Variants in GTF2A1 observed in about 807,000 individuals in gnomAD.
GTF2A1 encodes the protein transcription initiation factor IIA subunit 1.
In GTF2A1, 12 loss-of-function variants were observed where a neutral mutation model predicts 54.1. That is an observed-to-expected ratio of 0.22 (90% CI 0.14 to 0.36). GTF2A1 has a LOEUF of 0.36. Among genes scored for constraint, GTF2A1 ranks in the 10% least tolerant of loss-of-function variants. GTF2A1 has a pLI of 1.00. For synonymous variants in GTF2A1, 145 were observed against 152.0 expected (o/e 0.95, Z 0.34); for missense variants, 335 against 442.2 (o/e 0.76, Z 2.17).
chr14:81,198,373 G>A (rs1395888039), intron 4 of GTF2A1, among the ~76,000 whole-genome samples: 1 of 152,200 alleles, frequency 6.6e-6, no homozygotes, highest in Non-Finnish European at 1.5e-5. Context: ...TGAACCTGAA[G>A]GTGGAGGTTG....
In GTF2A1 at chr14:81,176,798, G is replaced by A. The variant is rs1441991211; in HGVS notation, c.*3425C>T. 2 of 151,840 alleles carry A rather than the reference G, an allele frequency of 1.3e-5. No homozygotes were observed. The highest frequency in any genetic ancestry group is 3.9e-4 in the East Asian group (2 of 5,172). 9.4% of individuals were successfully genotyped at this position (151,840 alleles called of 1,614,324 possible). A position where few individuals can be genotyped will look rare whatever the true frequency, so the allele number is the denominator to read the frequency against. Reference sequence around the variant, plus strand: ...AAATAAAATGAAAATGTACAAAGATGGATCAACAAACTATTACATTGCACA... The same window carrying A: ...AAATAAAATGAAAATGTACAAAGATAGATCAACAAACTATTACATTGCACA... On this transcript the variant is annotated 3_prime_UTR_variant, in exon 9 of 9. Coordinates refer to ENST00000553612, the MANE Select transcript of GTF2A1 (RefSeq NM_015859.4).
intron 6 of GTF2A1, 25 bp downstream of exon 6, chr14:81,196,083 T>C: frequency 6.2e-7 from 1 of 1,606,286 alleles, no homozygotes; most frequent in Non-Finnish European, 8.5e-7. Context: ...AACCCCATAC[T>C]GATCATAATA....
chr14:81,200,699 A>C (rs958021171), intron 4 of GTF2A1, among the ~76,000 whole-genome samples: 5 of 152,062 alleles, frequency 3.3e-5, no homozygotes, highest in Admixed American at 3.3e-4. Flanking sequence ...ACATAGGTTA[A>C]AAGATCTTTT....
intron 8 of GTF2A1, among the ~76,000 whole-genome samples, chr14:81,182,652 T>C (rs1892664057): frequency 6.6e-6 from 1 of 152,212 alleles, no homozygotes; most frequent in South Asian, 2.1e-4. Flanking sequence ...TTCCTCCTCA[T>C]ATTATGCTCT....
chr14:81,206,073 A>G (rs941273390), intron 2 of GTF2A1, among the ~76,000 whole-genome samples: 4 of 152,226 alleles, frequency 2.6e-5, no homozygotes, highest in Non-Finnish European at 5.9e-5. Context: ...TTTTGAAATC[A>G]TAATTTTCTA....
intron 1 of GTF2A1, among the ~76,000 whole-genome samples, chr14:81,216,793 T>C (rs1893497952): frequency 1.3e-5 from 2 of 152,228 alleles, no homozygotes; most frequent in African/African-American, 2.4e-5. Flanking sequence ...AAATACCTAA[T>C]GTAATGTTCA....
At chr14:81,220,198 G>C (rs1337954031) in intron 1 of GTF2A1, among the ~76,000 whole-genome samples, 1 of 146,956 alleles carries the variant, frequency 6.8e-6, no homozygotes. Flanking sequence ...TGGGGCCGGG[G>C]CTGCGCGCCC....
intron 2 of GTF2A1, chr14:81,204,358 T>G: frequency 1.7e-6 from 1 of 587,696 alleles, no homozygotes; most frequent in Non-Finnish European, 3.1e-6. Flanking sequence ...GAACTTTCTA[T>G]AGTAATTCCT....
At position 81,207,824 on chromosome 14, in the gene GTF2A1, G is replaced by A. The variant is rs368326029; in HGVS notation, c.133-3720C>T. On this transcript the variant is annotated intron_variant, in intron 2 of 8. Coordinates refer to ENST00000553612, the MANE Select transcript of GTF2A1 (RefSeq NM_015859.4). ...GCAAAGAGACTGGCGGCATTTTGCC[G>A]CTGCCCGAGAGATTTGTGGAACTTT... is the stretch of plus-strand genomic sequence containing the variant. 3.9e-4 allele frequency among the ~76,000 whole-genome samples: 59 copies of A among 152,346 alleles called. No individual in the cohort carries two copies. In the South Asian group the frequency reaches 0.011, roughly 29 times the overall value.
chr14:81,187,649 T>C (rs1892779436), intron 7 of GTF2A1, among the ~76,000 whole-genome samples: 1 of 152,226 alleles, frequency 6.6e-6, no homozygotes, highest in African/African-American at 2.4e-5. Context: ...TCACATAGCA[T>C]GTTTTCAAGG....
At chr14:81,186,548 C>G (rs1202581403) in intron 7 of GTF2A1, among the ~76,000 whole-genome samples, 1 of 152,018 alleles carries the variant, frequency 6.6e-6, no homozygotes, top group East Asian at 1.9e-4. Flanking sequence ...AATAAACAAC[C>G]ATGTTAAATT....
In GTF2A1 at chr14:81,201,608, T is replaced by C; in HGVS notation, c.388A>G (p.Asn130Asp). 1 of 1,600,702 alleles carries C rather than the reference T, an allele frequency of 6.2e-7. No individual in the cohort carries two copies. The highest frequency in any genetic ancestry group is 8.6e-7 in the Non-Finnish European group (1 of 1,167,732). ...VPDSKLIQHM[N>D]ASNMSAAATA... Reference sequence around the variant, plus strand: ...CTGAGTCTTACCATGTTTGATGCATTCATATGCTGTATCAACTTAGAATCT... The same window carrying C: ...CTGAGTCTTACCATGTTTGATGCATCCATATGCTGTATCAACTTAGAATCT... The change falls in exon 4 of 9, where the codon AAT (asparagine) becomes GAT (aspartate). Residue 130 changes from asparagine to aspartate, a missense_variant. Around this residue, in one of 2 missense-constraint regions of GTF2A1, gnomAD observed 306 missense variants for 360.4 expected, o/e 0.85. Coordinates refer to ENST00000553612, the MANE Select transcript of GTF2A1 (RefSeq NM_015859.4).
At chr14:81,189,734 C>G (rs1892832714) in intron 7 of GTF2A1, among the ~76,000 whole-genome samples, 1 of 151,958 alleles carries the variant, frequency 6.6e-6, no homozygotes, top group Admixed American at 6.6e-5. Context: ...CTGAGCAAAC[C>G]TACTGACAAT....
chr14:81,201,686 C>A, intron 3 of GTF2A1, 28 bp from the exon 4 acceptor site: 1 of 1,523,660 alleles, frequency 6.6e-7, no homozygotes, highest in Non-Finnish European at 9.1e-7. Context: ...AACATGCAAA[C>A]AAGGAACCAT....
At chr14:81,184,990 G>T (rs760956895) in intron 8 of GTF2A1, among the ~76,000 whole-genome samples, 2 of 152,092 alleles carry the variant, frequency 1.3e-5, no homozygotes, top group Non-Finnish European at 2.9e-5. Context: ...GGAATCAATG[G>T]CTAGTTTTCA....
At chr14:81,196,872 T>G (rs1893003837) in intron 5 of GTF2A1, among the ~76,000 whole-genome samples, 1 of 152,074 alleles carries the variant, frequency 6.6e-6, no homozygotes, top group Non-Finnish European at 1.5e-5. Flanking sequence ...TTAACAAAAA[T>G]AACATACACA....
Position 81,189,662 on chromosome 14 carries a change from C to T in GTF2A1, c.933+2857G>A, listed in dbSNP as rs545907386. On this transcript the variant is annotated intron_variant, in intron 7 of 8. Coordinates refer to ENST00000553612, the MANE Select transcript of GTF2A1 (RefSeq NM_015859.4). ...CTCCAGCTTGGGTGACAGAGCGAGA[C>T]TCCATCTCAAAAAAAAAATGGATCA... 3.7e-4 allele frequency among the ~76,000 whole-genome samples: 56 copies of T among 151,944 alleles called. 1 individual carries two copies. Among genetic ancestry groups the T allele is most frequent in the Non-Finnish European group, 5.4e-4 (37 of 67,934 alleles).
chr14:81,178,053 G>A lies in GTF2A1; in HGVS notation c.*2170C>T, dbSNP rs1249417290. On this transcript the variant is annotated 3_prime_UTR_variant, in exon 9 of 9. Transcript: ENST00000553612. ...TAACAAAATAACCACTCTGAAAGCA[G>A]TGGTTGTTAATATTTGAAAAATAAA... 6.6e-6 allele frequency: 1 copy of A among 152,094 alleles called. No individual in the cohort carries two copies. Among genetic ancestry groups the A allele is most frequent in the Non-Finnish European group, 1.5e-5 (1 of 67,972 alleles). 9.4% of individuals were successfully genotyped at this position (152,094 alleles called of 1,614,324 possible).
At chr14:81,198,008 A>G (rs1219456449) in intron 4 of GTF2A1, among the ~76,000 whole-genome samples, 1 of 152,224 alleles carries the variant, frequency 6.6e-6, no homozygotes, top group African/African-American at 2.4e-5. Flanking sequence ...TATAAAGAAC[A>G]CTGTATCAGA....
Sources: gnomAD v4.1 joint callset for allele counts (sites outside exome capture counted in the v4.1 genomes callset) on GRCh38, gnomAD v4.1.1 for gene constraint, gnomAD v4.1.1 regional missense constraint, MANE v1.5 for transcripts, NCBI Gene and HGNC (gene_info 2026-07-23, HGNC 2026-07-21) for gene names.